Variants in ZNF419 observed in about 807,000 individuals in gnomAD.
ZNF419 encodes zinc finger protein 419A.
In ZNF419, 8 loss-of-function variants were observed where a neutral mutation model predicts 14.9. That is an observed-to-expected ratio of 0.54 (90% CI 0.32 to 0.97). The LOEUF (loss-of-function observed/expected upper bound fraction) is 0.97, where lower values mean the gene tolerates loss of function less well. Ranked by LOEUF, ZNF419 falls within the 50% of genes least tolerant of loss-of-function variation. The pLI, the probability that ZNF419 is intolerant of heterozygous loss-of-function variation, is 0.04. For missense variants in ZNF419, 595 were observed against 607.2 expected, an observed-to-expected ratio of 0.98 and a Z score of 0.21; for synonymous variants, 211 against 205.3, an observed-to-expected ratio of 1.03 and a Z score of -0.24.
In ZNF419 at chr19:57,495,836, TAG is replaced by T. The variant is rs2089603119; in HGVS notation, c.*1747_*1748del. ...AAATATCCAACTTCTGAAATATTTG[TAG>T]GTTTAACTACAAATAAATAATTCAA... On this transcript the variant is annotated 3_prime_UTR_variant, in exon 5 of 5. Coordinates refer to ENST00000221735, the MANE Select transcript of ZNF419 (RefSeq NM_024691.4). The T allele has an allele frequency of 6.7e-6, 1 of 149,370 alleles. No homozygotes were observed. The highest frequency in any genetic ancestry group is 6.7e-5 in the Admixed American group (1 of 14,944). The allele number at this position is 149,370 out of a possible 1,614,324, so 9.3% of individuals were successfully genotyped here. A position where few individuals can be genotyped will look rare whatever the true frequency, so the allele number is the denominator to read the frequency against.
At position 57,493,247 on chromosome 19, in the gene ZNF419, G is replaced by A. The variant is rs758391279; in HGVS notation, c.690G>A (p.Thr230=). The stretch of plus-strand genomic sequence containing the variant: ...AGAGACTACATGCTGGGAAAAAGAC[G>A]TATGAATGCAGTGAATGTGGGAAGT... ...QHQRLHAGKK[T]YECSECGKLF... Residue 230 remains threonine (T), a synonymous_variant, in exon 5 of 5, where the codon ACG becomes ACA. Transcript: ENST00000221735. The A allele has an allele frequency of 1.1e-5, 18 of 1,614,110 alleles. No homozygotes were observed. The highest frequency in any genetic ancestry group is 3.3e-5 in the South Asian group (3 of 91,086).
chr19:57,491,889 G>A lies in ZNF419; in HGVS notation c.200-224G>A, dbSNP rs886984812. 20 of 657,204 alleles carry A rather than the reference G, an allele frequency of 3.0e-5. 1 individual carries two copies. Among genetic ancestry groups the A allele is most frequent in the Non-Finnish European group, 5.2e-5 (19 of 368,828 alleles). 40.7% of individuals were successfully genotyped at this position (657,204 alleles called of 1,614,324 possible). A position where few individuals can be genotyped will look rare whatever the true frequency, so the allele number is the denominator to read the frequency against. ...CCTGGTGACACTGTGCAGATCTGTG[G>A]TAGTTCTATTCCCCTACATTCTGCC... On this transcript the variant is annotated intron_variant, in intron 3 of 4. Transcript: ENST00000221735.
At chr19:57,491,353 G>T (rs1030313151) in intron 2 of ZNF419, 118 bp from the exon 3 acceptor site, 1 of 1,491,616 alleles carries the variant, frequency 6.7e-7, no homozygotes, top group Admixed American at 1.9e-5. Flanking sequence ...CTGGGGCAGG[G>T]TCTCTCCTCT....
rs1459180192 is a variant in ZNF419, at chr19:57,495,943, T to A, written c.*1853T>A. On this transcript the variant is annotated 3_prime_UTR_variant, in exon 5 of 5. Coordinates refer to ENST00000221735, the MANE Select transcript of ZNF419 (RefSeq NM_024691.4). ...TGGCATTCCAGTAGTTTTGAGCACA[T>A]TTAATACCCAGTTATTGGTTTATAT... 1 of 152,116 alleles carries A rather than the reference T, an allele frequency of 6.6e-6. No individual in the cohort carries two copies. The highest frequency in any genetic ancestry group is 1.5e-5 in the Non-Finnish European group (1 of 68,020). 9.4% of individuals were successfully genotyped at this position (152,116 alleles called of 1,614,324 possible). A position where few individuals can be genotyped will look rare whatever the true frequency, so the allele number is the denominator to read the frequency against.
intron 4 of ZNF419, 55 bp from the exon 5 acceptor site, chr19:57,492,801 C>A: frequency 6.2e-7 from 1 of 1,609,692 alleles, no homozygotes; most frequent in Non-Finnish European, 8.5e-7. Context: ...TGTGAGAGTG[C>A]TGCCTCCTCA....
At position 57,491,457 on chromosome 19, in the gene ZNF419, GT is replaced by G. The variant is rs764690951; in HGVS notation, c.73-13del. On this transcript the variant is annotated splice_polypyrimidine_tract_variant and intron_variant, in intron 2 of 4. Coordinates refer to ENST00000221735, the MANE Select transcript of ZNF419 (RefSeq NM_024691.4). ...GGAGGCTGCAGATAAACTCTACTCT[GT>G]CCATCTTAGCAGGGCTATGTGACCT... is the stretch of plus-strand genomic sequence containing the variant. 6.2e-7 allele frequency: 1 copy of G among 1,613,300 alleles called. No homozygotes were observed. The highest frequency in any genetic ancestry group is 8.5e-7 in the Non-Finnish European group (1 of 1,179,524).
chr19:57,487,767 C>G lies in ZNF419; in HGVS notation c.-184C>G. The G allele has an allele frequency of 1.3e-6, 1 of 770,228 alleles. No individual in the cohort carries two copies. The highest frequency in any genetic ancestry group is 2.1e-6 in the Non-Finnish European group (1 of 471,692). 47.7% of individuals were successfully genotyped at this position (770,228 alleles called of 1,614,324 possible). On this transcript the variant is annotated 5_prime_UTR_variant, in exon 1 of 5. Coordinates refer to ENST00000221735, the MANE Select transcript of ZNF419 (RefSeq NM_024691.4). ...TCTCGTTTGGTATTCACTTTCGCGA[C>G]TCAGGTGAACTAACCTGCGAGAAGC...
At chr19:57,490,100 C>T (rs2089448879) in intron 1 of ZNF419, 47 bp from the exon 2 acceptor site, 2 of 1,593,558 alleles carry the variant, frequency 1.3e-6, no homozygotes, top group African/African-American at 2.7e-5. Context: ...TTGGATGATC[C>T]TTTGGCAACA....
chr19:57,495,818 C>T lies in ZNF419; in HGVS notation c.*1728C>T, dbSNP rs1460893721. 7.1e-6 allele frequency: 1 copy of T among 140,146 alleles called. No homozygotes were observed. The highest frequency in any genetic ancestry group is 1.5e-5 in the Non-Finnish European group (1 of 65,696). 8.7% of individuals were successfully genotyped at this position (140,146 alleles called of 1,614,324 possible). A position where few individuals can be genotyped will look rare whatever the true frequency, so the allele number is the denominator to read the frequency against. ...AATCTTATGAATCTTTTTAAATATC[C>T]AACTTCTGAAATATTTGTAGGTTTA... On this transcript the variant is annotated 3_prime_UTR_variant, in exon 5 of 5. Transcript: ENST00000221735.
intron 1 of ZNF419, chr19:57,489,521 C>G (rs2089436354): frequency 1.4e-5 from 1 of 69,176 alleles, no homozygotes; most frequent in African/African-American, 6.1e-5. Context: ...CAGAGTTTCG[C>G]TTTTGTTGCC....
rs1568573228 is a variant in ZNF419 at position 57,493,834 on chromosome 19, C to T, written c.1277C>T (p.Pro426Leu). The T allele has an allele frequency of 1.9e-6, 3 of 1,613,900 alleles. No individual in the cohort carries two copies. Among genetic ancestry groups the T allele is most frequent in the African/African-American group, 1.3e-5 (1 of 74,904 alleles). ...CAGAGGGTTCACACTGGAGCAAAGC[C>T]TTATGAGTGCAGGGAATGTGGGAAA... ...RHQRVHTGAK[P>L]YECRECGKFF... The change falls in exon 5 of 5, where the codon CCT (proline) becomes CTT (leucine). Residue 426 changes from proline to leucine, a missense_variant. Transcript: ENST00000221735.
chr19:57,488,559 A>G (rs1437757822), intron 1 of ZNF419: 1 of 152,342 alleles, frequency 6.6e-6, no homozygotes, highest in Non-Finnish European at 1.5e-5. Context: ...CTGGATTTTT[A>G]TTTGTATTTT....
Position 57,496,068 on chromosome 19 carries a change from A to G in ZNF419, c.*1978A>G, listed in dbSNP as rs1287155093. 1 of 152,192 alleles carries G rather than the reference A, an allele frequency of 6.6e-6. No individual in the cohort carries two copies. The highest frequency in any genetic ancestry group is 1.5e-5 in the Non-Finnish European group (1 of 68,032). The allele number at this position is 152,192 out of a possible 1,614,324, so 9.4% of individuals were successfully genotyped here. ...TGATTTGAGGAAATACTGCATTGGA[A>G]AATAAATAAATGTTCACAGAATAAT... is the stretch of plus-strand genomic sequence containing the variant. On this transcript the variant is annotated 3_prime_UTR_variant, in exon 5 of 5. Transcript: ENST00000221735.
chr19:57,494,135 A>G lies in ZNF419; in HGVS notation c.*45A>G, dbSNP rs1408048583. 2.6e-6 allele frequency: 4 copies of G among 1,542,020 alleles called. No individual in the cohort carries two copies. Among genetic ancestry groups the G allele is most frequent in the Admixed American group, 4.3e-5 (2 of 46,572 alleles). ...CAGCGTTTCAACCTCATTCAACACC[A>G]GAAAGTTCACAGTGGAAAAAATCTT... On this transcript the variant is annotated 3_prime_UTR_variant, in exon 5 of 5. Coordinates refer to ENST00000221735, the MANE Select transcript of ZNF419 (RefSeq NM_024691.4).
Position 57,488,037 on chromosome 19 carries a change from G to T in ZNF419, c.33+54G>T, listed in dbSNP as rs1037162058. The T allele has an allele frequency of 4.3e-5, 69 of 1,608,262 alleles. No homozygotes were observed. The Admixed American group carries it at 1.1e-3, about 26-fold the overall frequency. On this transcript the variant is annotated intron_variant, in intron 1 of 4. Transcript: ENST00000221735. ...CGAATCCTAAAGCCCTGTGAGGGCC[G>T]CCTGCTCAGGTCCCCGGGTGCAGAA... is the stretch of plus-strand genomic sequence containing the variant.
chr19:57,492,264 C>A, intron 4 of ZNF419, 53 bp downstream of exon 4: 1 of 1,579,866 alleles, frequency 6.3e-7, no homozygotes, highest in African/African-American at 1.3e-5. Context: ...GGATTCATAT[C>A]ATACCAGTAG....
At position 57,492,397 on chromosome 19, in the gene ZNF419, A is replaced by G. The variant is rs548988697; in HGVS notation, c.298+186A>G. 5.8e-5 allele frequency: 47 copies of G among 807,538 alleles called. No homozygotes were observed. The East Asian group carries it at 7.2e-4, about 12-fold the overall frequency. 50.0% of individuals were successfully genotyped at this position (807,538 alleles called of 1,614,324 possible). On this transcript the variant is annotated intron_variant, in intron 4 of 4. Coordinates refer to ENST00000221735, the MANE Select transcript of ZNF419 (RefSeq NM_024691.4). ...GCCATTCCCCACCTCTCTGTCCTCC[A>G]TGTTTCACCCAGTCATCAGCAGAAC... is the stretch of plus-strand genomic sequence containing the variant.
rs2089601421 is a variant in ZNF419, at chr19:57,495,743, A to AGCCTT, written c.*1653_*1654insGCCTT. On this transcript the variant is annotated 3_prime_UTR_variant, in exon 5 of 5. Coordinates refer to ENST00000221735, the MANE Select transcript of ZNF419 (RefSeq NM_024691.4). The stretch of plus-strand genomic sequence containing the variant: ...TCTGTCTCAAAAAAAAAAAAAAAAA[A>AGCCTT]AAAAAAAAAAAAAAAAAAAAAAAAA... 1 of 69,824 alleles carries AGCCTT rather than the reference A, an allele frequency of 1.4e-5. No homozygotes were observed. Among genetic ancestry groups the AGCCTT allele is most frequent in the African/African-American group, 5.0e-5 (1 of 19,984 alleles). The allele number at this position is 69,824 out of a possible 1,614,324, so 4.3% of individuals were successfully genotyped here. A position where few individuals can be genotyped will look rare whatever the true frequency, so the allele number is the denominator to read the frequency against.
intron 1 of ZNF419, chr19:57,489,122 G>T (rs191936069): frequency 3.3e-5 from 5 of 152,436 alleles, no homozygotes; most frequent in Admixed American, 3.3e-4. Context: ...GCACAGGAGG[G>T]ATGATCAACT....
Sources: allele counts gnomAD v4.1 joint callset, GRCh38; gene constraint gnomAD v4.1.1; transcripts MANE v1.5; gene names NCBI Gene and HGNC (gene_info 2026-07-23, HGNC 2026-07-21).